The following HS3ST3A1 variants were observed in gnomAD, a reference collection of about 807,000 sequenced individuals.
HS3ST3A1 encodes the protein heparan sulfate glucosamine 3-O-sulfotransferase 3A1.
Under a neutral mutation model 25.7 loss-of-function variants are expected in HS3ST3A1, and 19 were observed. The observed-to-expected ratio is 0.74, with a 90% CI of 0.52 to 1.08. The LOEUF (loss-of-function observed/expected upper bound fraction) is 1.08. HS3ST3A1 is among the 50% of genes least tolerant of loss of function. HS3ST3A1 has a pLI of 0.00. For missense variants in HS3ST3A1, 459 were observed against 594.3 expected, an observed-to-expected ratio of 0.77 and a Z score of 2.37; for synonymous variants, 226 against 278.6, an observed-to-expected ratio of 0.81 and a Z score of 1.88.
At chr17:13,583,785 A>G (rs972548825) in intron 1 of HS3ST3A1, among the ~76,000 whole-genome samples, 5 of 152,202 alleles carry the variant, frequency 3.3e-5, no homozygotes, top group African/African-American at 1.2e-4. Context: ...ACGAACCTCT[A>G]TGAGTTGGAG....
rs973747012 is a variant in HS3ST3A1 at position 13,600,966 on chromosome 17, C to T, written c.164G>A (p.Gly55Glu). Residue 55 changes from glycine to glutamate, a missense_variant, in exon 1 of 2, where the codon GGG becomes GAG. Gly to Glu is a moderately conservative substitution (Grantham distance 98). Around this residue, in one of 3 missense-constraint regions of HS3ST3A1, gnomAD observed 346 missense variants for 303.9 expected, o/e 1.14. Transcript: ENST00000284110. ...CGCCTCCTCGCCGCCGCCGGACAGC[C>T]CCACGACGGGGCCGGACAGGGTCTG... ...RCQTLSGPVV[G>E]LSGGGEEAGA... is the part of the protein sequence containing the mutation. 2.6e-6 allele frequency: 4 copies of T among 1,551,674 alleles called. No individual in the cohort carries two copies. The highest frequency in any genetic ancestry group is 3.5e-6 in the Non-Finnish European group (4 of 1,148,848).
In HS3ST3A1 at chr17:13,593,233, C is replaced by CAA. The variant is rs5819419; in HGVS notation, c.599+7296_599+7297dup. Among the ~76,000 whole-genome samples the CAA allele has an allele frequency of 9.5e-3, 979 of 103,052 alleles. 18 individuals carry two copies. The highest frequency in any genetic ancestry group is 0.038 in the East Asian group (134 of 3,500). The allele number at this position is 103,052 out of a possible 152,430, so 67.6% of individuals were successfully genotyped here. ...CACCTGTTCCTTCTATGTTTGTAGC[C>CAA]AAAAAAAAAAAAAAAAAAAAGTCAT... On this transcript the variant is annotated intron_variant, in intron 1 of 1. Transcript: ENST00000284110.
At chr17:13,560,359 C>CT (rs1182295512) in intron 1 of HS3ST3A1, among the ~76,000 whole-genome samples, 1 of 122,228 alleles carries the variant, frequency 8.2e-6, no homozygotes, top group Admixed American at 9.9e-5. Context: ...GTCACCATTT[C>CT]TTTTTTCCTG....
Position 13,600,956 on chromosome 17 carries a change from G to A in HS3ST3A1, c.174C>T (p.Gly58=). 1.3e-6 allele frequency: 2 copies of A among 1,540,370 alleles called. No homozygotes were observed. The highest frequency in any genetic ancestry group is 2.0e-5 in the Admixed American group (1 of 49,920). Residue 58 remains glycine (G), a synonymous_variant, in exon 1 of 2, where the codon GGC becomes GGT. Coordinates refer to ENST00000284110, the MANE Select transcript of HS3ST3A1 (RefSeq NM_006042.3). ...TLSGPVVGLS[G]GGEEAGAPGG... is the part of the protein sequence containing the mutation. ...CAGGGGCCCCCGCCTCCTCGCCGCC[G>A]CCGGACAGCCCCACGACGGGGCCGG...
At chr17:13,496,903 C>A (rs1905302575) in intron 1 of HS3ST3A1, 85 bp from the exon 2 acceptor site, 23 of 1,525,882 alleles carry the variant, frequency 1.5e-5, no homozygotes, top group Non-Finnish European at 2.0e-5. Flanking sequence ...TGGAGCCAGG[C>A]CGCAATTCCA....
chr17:13,555,586 C>T (rs1907350455), intron 1 of HS3ST3A1, among the ~76,000 whole-genome samples: 1 of 152,114 alleles, frequency 6.6e-6, no homozygotes, highest in African/African-American at 2.4e-5. Flanking sequence ...TTTCTCAAGT[C>T]GATGTTAGAC....
chr17:13,499,671 C>T (rs1301293511), intron 1 of HS3ST3A1, among the ~76,000 whole-genome samples: 1 of 151,974 alleles, frequency 6.6e-6, no homozygotes, highest in Non-Finnish European at 1.5e-5. Context: ...ATAGATTGCG[C>T]TGGGCCAGAG....
chr17:13,564,711 C>A (rs1907632936), intron 1 of HS3ST3A1, among the ~76,000 whole-genome samples: 1 of 139,586 alleles, frequency 7.2e-6, no homozygotes, highest in South Asian at 2.3e-4. Flanking sequence ...GAAATTTGGA[C>A]TTCTTTCCTT....
chr17:13,587,437 A>C (rs1908305767), intron 1 of HS3ST3A1, among the ~76,000 whole-genome samples: 1 of 152,238 alleles, frequency 6.6e-6, no homozygotes, highest in South Asian at 2.1e-4. Flanking sequence ...CTGGTGACTG[A>C]GTGAGACTCC....
chr17:13,563,105 G>A (rs1349359882), intron 1 of HS3ST3A1, among the ~76,000 whole-genome samples: 1 of 151,130 alleles, frequency 6.6e-6, no homozygotes, highest in African/African-American at 2.4e-5. Context: ...ATGGGAAGCA[G>A]GGAGAAGAGA....
At chr17:13,574,493 C>G (rs1340170778) in intron 1 of HS3ST3A1, among the ~76,000 whole-genome samples, 1 of 151,322 alleles carries the variant, frequency 6.6e-6, no homozygotes, top group Non-Finnish European at 1.5e-5. Context: ...CTGAGACAGG[C>G]GGATCACGAG....
At chr17:13,565,556 TA>T (rs529056285) in intron 1 of HS3ST3A1, among the ~76,000 whole-genome samples, 60 of 150,934 alleles carry the variant, frequency 4.0e-4, no homozygotes, top group Middle Eastern at 3.4e-3. Flanking sequence ...GTAAGTAAAA[TA>T]AAAAATAAAA....
chr17:13,547,771 C>T (rs1402890105), intron 1 of HS3ST3A1, among the ~76,000 whole-genome samples: 2 of 152,008 alleles, frequency 1.3e-5, no homozygotes, highest in Non-Finnish European at 2.9e-5. Flanking sequence ...GTCAGAAGTA[C>T]AGGAGGCCTG....
At chr17:13,582,111 C>A (rs745579481) in intron 1 of HS3ST3A1, among the ~76,000 whole-genome samples, 16 of 149,396 alleles carry the variant, frequency 1.1e-4, no homozygotes, top group Non-Finnish European at 1.9e-4. Context: ...TGTTCCTCCT[C>A]TTTTTTTTTT....
intron 1 of HS3ST3A1, among the ~76,000 whole-genome samples, chr17:13,529,669 T>C (rs531893329): frequency 1.1e-4 from 16 of 152,294 alleles, no homozygotes; most frequent in Admixed American, 1.0e-3. Context: ...TCATATTTGA[T>C]CACAAAATCC....
chr17:13,508,924 A>G (rs1018927102), intron 1 of HS3ST3A1, among the ~76,000 whole-genome samples: 17 of 152,108 alleles, frequency 1.1e-4, no homozygotes, highest in Admixed American at 8.5e-4. Flanking sequence ...TACCAAGCAA[A>G]AAGTAATATT....
chr17:13,575,255 C>T (rs1343405850), intron 1 of HS3ST3A1, among the ~76,000 whole-genome samples: 1 of 152,118 alleles, frequency 6.6e-6, no homozygotes, highest in African/African-American at 2.4e-5. Flanking sequence ...AACTCCTACA[C>T]TAAGTAGGGA....
At chr17:13,579,244 T>C (rs1305244820) in intron 1 of HS3ST3A1, among the ~76,000 whole-genome samples, 1 of 152,222 alleles carries the variant, frequency 6.6e-6, no homozygotes, top group Non-Finnish European at 1.5e-5. Context: ...CAAATGTTCA[T>C]AGCCTTTGAC....
chr17:13,555,183 C>T (rs370108915), intron 1 of HS3ST3A1, among the ~76,000 whole-genome samples: 5 of 152,122 alleles, frequency 3.3e-5, no homozygotes, highest in African/African-American at 9.7e-5. Context: ...TTATGCCTCC[C>T]GCTGGGTGGG....
Sources: gnomAD v4.1 joint callset for allele counts (sites outside exome capture counted in the v4.1 genomes callset) on GRCh38, gnomAD v4.1.1 for gene constraint, gnomAD v4.1.1 regional missense constraint, MANE v1.5 for transcripts, NCBI Gene and HGNC (gene_info 2026-07-23, HGNC 2026-07-21) for gene names.